The following SORCS3 variants were observed in gnomAD, a reference collection of about 807,000 sequenced individuals.
The protein encoded by SORCS3 is sortilin related VPS10 domain containing receptor 3, also known as VPS10 domain-containing receptor SorCS3.
In SORCS3, 57 loss-of-function variants were observed where a neutral mutation model predicts 146.3. The ratio of observed to expected loss-of-function variants is 0.39; its 90% CI spans 0.31 to 0.49. SORCS3 has a LOEUF of 0.49. SORCS3 is among the 20% of genes least tolerant of loss of function. The pLI, the probability that SORCS3 is intolerant of heterozygous loss-of-function variation, is 0.92. For missense variants in SORCS3, 1,341 were observed against 1,575.5 expected (o/e 0.85, Z 2.52); for synonymous variants, 653 against 618.5 (o/e 1.06, Z -0.83).
intron 7 of SORCS3, among the ~76,000 whole-genome samples, chr10:105,108,046 T>TTTACTA (rs61009548): frequency 0.5 from 76,234 of 151,480 alleles, 19,354 homozygotes; most frequent in Middle Eastern, 0.54. Flanking sequence ...CTTTCTATCT[T>TTTACTA]TTATCTATCT....
chr10:105,137,210 A>G (rs923350136), intron 7 of SORCS3, among the ~76,000 whole-genome samples: 1 of 151,928 alleles, frequency 6.6e-6, no homozygotes, highest in African/African-American at 2.4e-5. Context: ...CAGGAATGGG[A>G]CTTGCCTTCT....
chr10:104,661,190 T>G (rs1000011593), intron 1 of SORCS3, among the ~76,000 whole-genome samples: 4 of 152,206 alleles, frequency 2.6e-5, no homozygotes, highest in African/African-American at 9.6e-5. Flanking sequence ...TCCCCTCTTC[T>G]GCCTTCTCCT....
intron 1 of SORCS3, among the ~76,000 whole-genome samples, chr10:104,703,607 G>A (rs547105112): frequency 6.6e-6 from 1 of 151,898 alleles, no homozygotes; most frequent in Admixed American, 6.6e-5. Context: ...TGGAGGGTGG[G>A]GGGTGAGGGG....
chr10:104,641,386 C>A lies in SORCS3; in HGVS notation c.59C>A (p.Thr20Lys). The change falls in exon 1 of 27, where the codon ACG (threonine) becomes AAG (lysine). Residue 20 changes from threonine (T) to lysine (K), a missense_variant. Thr to Lys is a moderately conservative substitution (Grantham distance 78). Coordinates refer to ENST00000369701, the MANE Select transcript of SORCS3 (RefSeq NM_014978.3). The surrounding 1 kb of genome is among the most constrained non-coding windows in gnomAD (Gnocchi z 6.4). Reference sequence around the variant, plus strand: ...AGGCCGGGGGCGCCGCTTGTCCGGACGGGGCTCCTACTCTTGTCGACGTGG... The same window carrying A: ...AGGCCGGGGGCGCCGCTTGTCCGGAAGGGGCTCCTACTCTTGTCGACGTGG... The part of the protein sequence containing the change: ...AGRPGAPLVR[T>K]GLLLLSTWVL... 1.4e-6 allele frequency: 2 copies of A among 1,440,554 alleles called. No individual in the cohort carries two copies. Among genetic ancestry groups the A allele is most frequent in the Admixed American group, 2.6e-5 (1 of 38,192 alleles). 89.2% of individuals were successfully genotyped at this position (1,440,554 alleles called of 1,614,324 possible).
At chr10:105,061,652 C>CAA (rs57641383) in intron 5 of SORCS3, among the ~76,000 whole-genome samples, 9 of 132,556 alleles carry the variant, frequency 6.8e-5, no homozygotes, top group African/African-American at 1.7e-4. Flanking sequence ...GACCCTATCT[C>CAA]AAAAAAAAAA....
intron 5 of SORCS3, among the ~76,000 whole-genome samples, chr10:105,076,675 C>T (rs2055591472): frequency 6.6e-6 from 1 of 152,152 alleles, no homozygotes; most frequent in African/African-American, 2.4e-5. Context: ...AGCCCCAACC[C>T]TTTGTGGAAC....
At chr10:104,893,852 C>T (rs979987010) in intron 2 of SORCS3, among the ~76,000 whole-genome samples, 2 of 152,172 alleles carry the variant, frequency 1.3e-5, no homozygotes, top group African/African-American at 4.8e-5. Flanking sequence ...TCTCCTTCAC[C>T]CATTCTGATA....
chr10:104,859,836 C>A (rs2133559745), intron 2 of SORCS3, among the ~76,000 whole-genome samples: 1 of 150,296 alleles, frequency 6.7e-6, no homozygotes, highest in East Asian at 2.0e-4. Context: ...CATCACTGGC[C>A]ATCAGAGAAA....
chr10:105,018,030 G>T (rs1408087755), intron 4 of SORCS3, among the ~76,000 whole-genome samples: 1 of 152,128 alleles, frequency 6.6e-6, no homozygotes, highest in African/African-American at 2.4e-5. Flanking sequence ...AAAATGACAG[G>T]ATACCTCAAC....
chr10:104,817,381 CCCT>C (rs1162118318), intron 1 of SORCS3, among the ~76,000 whole-genome samples: 10 of 109,946 alleles, frequency 9.1e-5, no homozygotes, highest in East Asian at 3.4e-4. Flanking sequence ...CCCTTCCTCC[CCCT>C]CCTCCTCCTC....
intron 8 of SORCS3, among the ~76,000 whole-genome samples, chr10:105,141,244 G>A (rs1005919393): frequency 6.6e-6 from 1 of 152,140 alleles, no homozygotes; most frequent in Non-Finnish European, 1.5e-5. Flanking sequence ...GCAATTTATT[G>A]TGGTGGAATG....
chr10:105,185,104 C>G (rs1013811501), intron 14 of SORCS3, among the ~76,000 whole-genome samples: 1 of 152,078 alleles, frequency 6.6e-6, no homozygotes, highest in African/African-American at 2.4e-5. Context: ...AACATAATGT[C>G]CTCTTGGTTC....
At chr10:104,950,948 G>A (rs1241477576) in intron 3 of SORCS3, among the ~76,000 whole-genome samples, 1 of 152,172 alleles carries the variant, frequency 6.6e-6, no homozygotes, top group East Asian at 1.9e-4. Flanking sequence ...ATTAGCAGGA[G>A]CATATTTAAT....
At chr10:104,912,783 G>A (rs547280424) in intron 2 of SORCS3, among the ~76,000 whole-genome samples, 2 of 152,318 alleles carry the variant, frequency 1.3e-5, no homozygotes, top group Admixed American at 6.5e-5. Flanking sequence ...AGAGATCCCA[G>A]AATAAGGACA....
chr10:104,817,545 CT>C (rs1376766153), intron 1 of SORCS3, among the ~76,000 whole-genome samples: 4 of 25,578 alleles, frequency 1.6e-4, no homozygotes, highest in South Asian at 7.8e-3. Context: ...TCCTCCTCTT[CT>C]TTCCCCCTCC....
chr10:104,750,600 C>G (rs769191721), intron 1 of SORCS3, among the ~76,000 whole-genome samples: 1 of 151,960 alleles, frequency 6.6e-6, no homozygotes, highest in Non-Finnish European at 1.5e-5. Context: ...ACAAATAATA[C>G]GAAGACAGGA....
intron 14 of SORCS3, among the ~76,000 whole-genome samples, chr10:105,188,506 T>A (rs951863801): frequency 2.6e-5 from 4 of 152,044 alleles, no homozygotes; most frequent in African/African-American, 9.7e-5. Flanking sequence ...CCTGATGAAA[T>A]TAATACTAAA....
chr10:104,920,802 G>A (rs189783750), intron 3 of SORCS3, among the ~76,000 whole-genome samples: 7 of 152,312 alleles, frequency 4.6e-5, no homozygotes, highest in Non-Finnish European at 8.8e-5. Context: ...AATGCACGAA[G>A]CTGCTTCAGT....
At chr10:104,918,317 A>G (rs1464870) in intron 3 of SORCS3, among the ~76,000 whole-genome samples, 14 of 151,790 alleles carry the variant, frequency 9.2e-5, no homozygotes, top group Non-Finnish European at 1.6e-4. Flanking sequence ...AAATTGAAGC[A>G]AAAAAAACTC....
Sources: gnomAD v4.1 joint callset for allele counts (sites outside exome capture counted in the v4.1 genomes callset) on GRCh38, gnomAD v4.1.1 for gene constraint, Gnocchi (gnomAD v3.1) non-coding constraint, MANE v1.5 for transcripts, NCBI Gene and HGNC (gene_info 2026-07-23, HGNC 2026-07-21) for gene names.